C14orf39: variants seen among roughly 807,000 people sequenced by gnomAD.
The protein encoded by C14orf39 is protein SIX6OS1.
A neutral mutation model predicts 85.6 loss-of-function variants in C14orf39; 66 were observed. That is an observed-to-expected ratio of 0.77 (90% CI 0.63 to 0.95). C14orf39 has a LOEUF of 0.95. Ranked by LOEUF, C14orf39 falls within the 40% of genes least tolerant of loss-of-function variation. The probability of loss-of-function intolerance (pLI) is 0.00; values close to 1 mark genes in which losing one functional copy is unlikely to be tolerated. For missense variants in C14orf39, 735 were observed against 663.9 expected, an observed-to-expected ratio of 1.11 and a Z score of -1.18; for synonymous variants, 242 against 214.0, an observed-to-expected ratio of 1.13 and a Z score of -1.14.
chr14:60,511,408 C>T (rs2140190013), intron 1 of C14orf39: 1 of 894,606 alleles, frequency 1.1e-6, no homozygotes. Flanking sequence ...CCGCCCCACC[C>T]CGCGGCCGGC....
rs1185690609 is a variant in C14orf39, at chr14:60,484,448, G to C, written c.106+433C>G. ...GATCTTAAAATACTATACAGTATTT[G>C]TGTGATTTGCCTTGCTATTTCTCTG... is the stretch of plus-strand genomic sequence containing the variant. On this transcript the variant is annotated intron_variant, in intron 3 of 17. Transcript: ENST00000321731. The surrounding 1 kb of genome is among the most constrained non-coding windows in gnomAD (Gnocchi z 4.2). Among the ~76,000 whole-genome samples, 2 of 152,022 alleles carry C rather than the reference G, an allele frequency of 1.3e-5. No individual in the cohort carries two copies. Among genetic ancestry groups the C allele is most frequent in the Non-Finnish European group, 2.9e-5 (2 of 67,990 alleles).
intron 16 of C14orf39, among the ~76,000 whole-genome samples, chr14:60,442,790 CT>C (rs916244250): frequency 1.3e-5 from 2 of 152,098 alleles, no homozygotes; most frequent in Non-Finnish European, 2.9e-5. Context: ...ATTTATGTTT[CT>C]TTGACAATTA....
chr14:60,447,032 T>C (rs563163186), intron 16 of C14orf39, among the ~76,000 whole-genome samples: 2 of 152,112 alleles, frequency 1.3e-5, no homozygotes, highest in Non-Finnish European at 2.9e-5. Context: ...ATAAACTAGG[T>C]ATTGATGGAA....
intron 16 of C14orf39, among the ~76,000 whole-genome samples, chr14:60,449,463 C>T (rs777389563): frequency 6.6e-6 from 1 of 152,122 alleles, no homozygotes; most frequent in Admixed American, 6.5e-5. Context: ...GATTTTCTAG[C>T]CCATACCATT....
chr14:60,441,935 A>C, intron 17 of C14orf39, 139 bp downstream of exon 17: 1 of 564,286 alleles, frequency 1.8e-6, no homozygotes, highest in Non-Finnish European at 3.2e-6. Flanking sequence ...AAGAAAGAAA[A>C]GAATATCAGT....
In C14orf39 at chr14:60,469,740, C is replaced by T. The variant is rs982166694; in HGVS notation, c.555-87G>A. On this transcript the variant is annotated intron_variant, in intron 7 of 17. Transcript: ENST00000321731. ...ATCAGAAATGATTAATATTATGTGA[C>T]ATCATTTATATGTATGTTTCATATA... The T allele has an allele frequency of 8.1e-6, 5 of 616,076 alleles. No homozygotes were observed. In the Admixed American group the frequency reaches 1.7e-4, roughly 21 times the overall value. The allele number at this position is 616,076 out of a possible 1,614,324, so 38.2% of individuals were successfully genotyped here.
In C14orf39 at chr14:60,471,428, C is replaced by T. The variant is rs868099335; in HGVS notation, c.543G>A (p.Trp181Ter). The T allele has an allele frequency of 1.9e-6, 3 of 1,595,538 alleles. No homozygotes were observed. Among genetic ancestry groups the T allele is most frequent in the Non-Finnish European group, 1.7e-6 (2 of 1,171,038 alleles). The change falls in exon 7 of 18, where the codon TGG becomes TGA. Residue 181 changes from tryptophan (W) to a stop codon, truncating the protein, a stop_gained. Transcript: ENST00000321731. LOFTEE classifies it high-confidence loss of function. ...ACTATTGTGGATACATGTTTAAAGT[C>T]CATTTAGTAAGTGATGGAAAGGGAG... ...VPAPFPSLTK[W>*]TLNIVNLRCE...
intron 5 of C14orf39, among the ~76,000 whole-genome samples, chr14:60,475,064 T>G (rs12586971): frequency 0.87 from 132,614 of 152,072 alleles, 58,312 homozygotes; most frequent in Non-Finnish European, 0.92. Context: ...ATTAATTATT[T>G]CCTCAATTTC....
chr14:60,511,433 G>A, intron 1 of C14orf39: 1 of 713,124 alleles, frequency 1.4e-6, no homozygotes, highest in South Asian at 1.6e-5. Flanking sequence ...CTTCACTGGC[G>A]CCCTTTGGCC....
chr14:60,511,306 A>T (rs1893290755), intron 1 of C14orf39: 1 of 1,581,630 alleles, frequency 6.3e-7, no homozygotes, highest in Non-Finnish European at 8.7e-7. Flanking sequence ...CGAGAAAAAC[A>T]AAATGAAAGA....
chr14:60,463,452 G>C (rs920706098), intron 11 of C14orf39, among the ~76,000 whole-genome samples: 2 of 151,802 alleles, frequency 1.3e-5, no homozygotes, highest in Non-Finnish European at 2.9e-5. Context: ...TCACCACACT[G>C]TTATAATTAC....
chr14:60,490,332 G>A (rs180985897), upstream of C14orf39, among the ~76,000 whole-genome samples: 3 of 152,210 alleles, frequency 2.0e-5, no homozygotes, highest in Non-Finnish European at 4.4e-5. Context: ...GACCAGGCAT[G>A]GTGGCTCACA....
chr14:60,472,273 A>T (rs1892123628), intron 5 of C14orf39, among the ~76,000 whole-genome samples: 1 of 152,066 alleles, frequency 6.6e-6, no homozygotes. Context: ...CCCCGTAACT[A>T]TTTTATGAAG....
Position 60,436,930 on chromosome 14 carries a change from C to T in C14orf39, c.1679G>A (p.Gly560Glu). 6.2e-7 allele frequency: 1 copy of T among 1,612,666 alleles called. No individual in the cohort carries two copies. The highest frequency in any genetic ancestry group is 8.5e-7 in the Non-Finnish European group (1 of 1,179,108). Residue 560 changes from glycine to glutamate, a missense_variant, in exon 18 of 18, where the codon GGA (glycine) becomes GAA (glutamate). Gly to Glu is a moderately conservative substitution (Grantham distance 98). Coordinates refer to ENST00000321731, the MANE Select transcript of C14orf39 (RefSeq NM_174978.3). Reference protein sequence around the residue: ...KDDFSFPFSFGQGQNSIPSSS... With the variant: ...KDDFSFPFSFEQGQNSIPSSS... The stretch of plus-strand genomic sequence containing the variant: ...AGAAGGTATTGAATTTTGACCCTGT[C>T]CAAATGAAAATGGAAAACTAAAATC...
chr14:60,468,472 G>T lies in C14orf39; in HGVS notation c.740C>A (p.Thr247Lys). ...TTCTTTCAGTTCTTTTCTGTTTTCT[G>T]TATTTTTGTTCTTTTCTTCCAGAGT... is the stretch of plus-strand genomic sequence containing the variant. ...SETLEEKNKN[T>K]ENRKELKERI... The change falls in exon 9 of 18, where the codon ACA (threonine) becomes AAA (lysine). Residue 247 changes from threonine to lysine, a missense_variant. Physicochemically the swap from Thr to Lys is moderately conservative, Grantham distance 78. Coordinates refer to ENST00000321731, the MANE Select transcript of C14orf39 (RefSeq NM_174978.3). The T allele has an allele frequency of 6.3e-7, 1 of 1,594,998 alleles. No homozygotes were observed.
At chr14:60,474,454 A>T (rs78084675) in intron 5 of C14orf39, among the ~76,000 whole-genome samples, 2,169 of 22,792 alleles carry the variant, frequency 0.095, 375 homozygotes, top group Middle Eastern at 0.17. Flanking sequence ...AGGAGTGGTG[A>T]GAGAGGGTAT....
chr14:60,455,256 T>C (rs772425211), intron 15 of C14orf39, 111 bp from the exon 16 acceptor site: 1 of 683,954 alleles, frequency 1.5e-6, no homozygotes, highest in Non-Finnish European at 2.3e-6. Context: ...TAGGGAAATG[T>C]AGGAAGTAGT....
At chr14:60,506,752 T>C (rs1893209120) in intron 1 of C14orf39, among the ~76,000 whole-genome samples, 1 of 152,190 alleles carries the variant, frequency 6.6e-6, no homozygotes, top group Non-Finnish European at 1.5e-5. Context: ...CCCGCACCCT[T>C]CTGGCGGCTC....
At chr14:60,490,302 A>G (rs1171978664), upstream of C14orf39, among the ~76,000 whole-genome samples, 1 of 152,108 alleles carries the variant, frequency 6.6e-6, no homozygotes, top group African/African-American at 2.4e-5. Flanking sequence ...CAAAGGTGAA[A>G]TTTGTTTGAA....
Sources: gnomAD v4.1 joint callset for allele counts (sites outside exome capture counted in the v4.1 genomes callset) on GRCh38, gnomAD v4.1.1 for gene constraint, Gnocchi (gnomAD v3.1) non-coding constraint, MANE v1.5 for transcripts, NCBI Gene and HGNC (gene_info 2026-07-23, HGNC 2026-07-21) for gene names.